Variants in OTUD7A observed in about 807,000 individuals in gnomAD.
OTUD7A encodes OTU deubiquitinase 7A.
OTUD7A carries 12 observed loss-of-function variants against 65.7 expected under a neutral mutation model. The observed-to-expected ratio is 0.18, with a 90% CI of 0.12 to 0.30. The LOEUF (loss-of-function observed/expected upper bound fraction) is 0.30. Among genes scored for constraint, OTUD7A ranks in the 10% least tolerant of loss-of-function variants. OTUD7A has a pLI of 1.00. For synonymous variants in OTUD7A, 641 were observed against 586.3 expected (o/e 1.09, Z -1.35); for missense variants, 1,148 against 1,304.8 (o/e 0.88, Z 1.85).
At chr15:31,722,557 C>T (rs1455850518) in intron 1 of OTUD7A, among the ~76,000 whole-genome samples, 2 of 152,216 alleles carry the variant, frequency 1.3e-5, no homozygotes, top group African/African-American at 2.4e-5. Context: ...AATGGTGGCC[C>T]TGTCAGGGAG....
chr15:31,862,241 G>A (rs997240612), intron 1 of OTUD7A, among the ~76,000 whole-genome samples: 3 of 152,162 alleles, frequency 2.0e-5, no homozygotes, highest in Non-Finnish European at 2.9e-5. Flanking sequence ...AAGGAAGTAC[G>A]TTCTGTAATG....
At chr15:31,495,781 G>C (rs957686766) in intron 10 of OTUD7A, among the ~76,000 whole-genome samples, 1 of 152,090 alleles carries the variant, frequency 6.6e-6, no homozygotes, top group Non-Finnish European at 1.5e-5. Flanking sequence ...AAACCTTCTT[G>C]CTGGCCGGGC....
intron 3 of OTUD7A, among the ~76,000 whole-genome samples, chr15:31,624,453 C>T (rs1041036029): frequency 3.9e-5 from 6 of 151,968 alleles, no homozygotes; most frequent in African/African-American, 1.2e-4. Context: ...AAAAACAAAA[C>T]GATGATAAAG....
At chr15:31,543,452 T>G (rs1033171872) in intron 5 of OTUD7A, among the ~76,000 whole-genome samples, 2 of 151,904 alleles carry the variant, frequency 1.3e-5, no homozygotes, top group Non-Finnish European at 3.0e-5. Flanking sequence ...AGACAAAGGC[T>G]GTGAAACTGA....
intron 1 of OTUD7A, among the ~76,000 whole-genome samples, chr15:31,790,993 C>G (rs1273981496): frequency 6.6e-6 from 1 of 152,080 alleles, no homozygotes; most frequent in Non-Finnish European, 1.5e-5. Flanking sequence ...GAGTTTTAGT[C>G]CTGACCTACA....
chr15:31,678,538 G>A (rs1358582277), intron 1 of OTUD7A, among the ~76,000 whole-genome samples: 1 of 152,240 alleles, frequency 6.6e-6, no homozygotes, highest in African/African-American at 2.4e-5. Context: ...AGGACTTGGT[G>A]CCCTGTGTCC....
chr15:31,677,150 C>G (rs1169449199), intron 1 of OTUD7A, among the ~76,000 whole-genome samples: 1 of 152,182 alleles, frequency 6.6e-6, no homozygotes, highest in African/African-American at 2.4e-5. Context: ...CCCACTTCTC[C>G]CTTATCTCTT....
At chr15:31,573,210 A>C (rs1405556549) in intron 3 of OTUD7A, among the ~76,000 whole-genome samples, 1 of 152,236 alleles carries the variant, frequency 6.6e-6, no homozygotes, top group Non-Finnish European at 1.5e-5. Context: ...CACATCTACA[A>C]GATACTGAAG....
chr15:31,576,671 A>C (rs938087771), intron 3 of OTUD7A, among the ~76,000 whole-genome samples: 1 of 152,182 alleles, frequency 6.6e-6, no homozygotes, highest in African/African-American at 2.4e-5. Context: ...ACCATTGGTC[A>C]CTCATATTTG....
chr15:31,818,188 AT>A (rs1399161805), intron 1 of OTUD7A, among the ~76,000 whole-genome samples: 3 of 152,182 alleles, frequency 2.0e-5, no homozygotes, highest in Non-Finnish European at 4.4e-5. Flanking sequence ...CATTTCTATT[AT>A]TTATAATTAC....
chr15:31,765,590 T>C (rs1895075308), intron 1 of OTUD7A, among the ~76,000 whole-genome samples: 1 of 152,222 alleles, frequency 6.6e-6, no homozygotes, highest in Non-Finnish European at 1.5e-5. Flanking sequence ...CCTAGGAGTC[T>C]CACATTGATA....
intron 1 of OTUD7A, among the ~76,000 whole-genome samples, chr15:31,734,992 A>C (rs190675626): frequency 2.6e-5 from 4 of 152,272 alleles, no homozygotes; most frequent in African/African-American, 9.6e-5. Flanking sequence ...ATTTCGGCAA[A>C]CTGTGCATCT....
intron 1 of OTUD7A, among the ~76,000 whole-genome samples, chr15:31,711,861 G>A (rs959174881): frequency 6.6e-6 from 1 of 151,946 alleles, no homozygotes; most frequent in Non-Finnish European, 1.5e-5. Context: ...CTGAGTGGCT[G>A]GAAGGCCATG....
rs2041161636 is a variant in OTUD7A at position 31,483,267 on chromosome 15, C to G, written c.*27G>C. 3 of 1,078,158 alleles carry G rather than the reference C, an allele frequency of 2.8e-6. No individual in the cohort carries two copies. The highest frequency in any genetic ancestry group is 3.4e-6 in the Non-Finnish European group (3 of 891,824). 66.8% of individuals were successfully genotyped at this position (1,078,158 alleles called of 1,614,324 possible). A position where few individuals can be genotyped will look rare whatever the true frequency, so the allele number is the denominator to read the frequency against. The stretch of plus-strand genomic sequence containing the variant: ...GAAAAGAAATCCTCGAAGGTAGAAC[C>G]TCGCCGCCCGCGCCGCGCCGCGCCG... On this transcript the variant is annotated 3_prime_UTR_variant, in exon 13 of 13. Transcript: ENST00000307050.
chr15:31,489,692 A>T (rs1217697793), intron 10 of OTUD7A, among the ~76,000 whole-genome samples: 1 of 152,188 alleles, frequency 6.6e-6, no homozygotes, highest in Non-Finnish European at 1.5e-5. Context: ...TTAGATTTCC[A>T]CTGTGTTAAG....
chr15:31,604,605 A>T (rs1282353490), intron 3 of OTUD7A, among the ~76,000 whole-genome samples: 3 of 152,216 alleles, frequency 2.0e-5, no homozygotes, highest in African/African-American at 7.2e-5. Flanking sequence ...AGTATAACAA[A>T]AAAAGAAAGA....
intron 3 of OTUD7A, among the ~76,000 whole-genome samples, chr15:31,619,068 A>G (rs557300286): frequency 3.3e-4 from 50 of 152,314 alleles, no homozygotes; most frequent in African/African-American, 1.0e-3. Context: ...CAGGCTTGTC[A>G]AAGATCAGAT....
chr15:31,690,588 C>T (rs1486269323), intron 1 of OTUD7A, among the ~76,000 whole-genome samples: 1 of 152,188 alleles, frequency 6.6e-6, no homozygotes, highest in Non-Finnish European at 1.5e-5. Flanking sequence ...GAAATAAATC[C>T]TCAAATACAT....
In OTUD7A at chr15:31,526,644, C is replaced by T. The variant is rs138933609; in HGVS notation, c.781-183G>A. ...GCTATGCACAATATATTTTCAGAAG[C>T]CCCAAGCTCTAATTCCAGAGCTGCT... is the stretch of plus-strand genomic sequence containing the variant. On this transcript the variant is annotated intron_variant, in intron 7 of 12. Coordinates refer to ENST00000307050, the MANE Select transcript of OTUD7A (RefSeq NM_001382637.1). Among the ~76,000 whole-genome samples, 23 of 152,340 alleles carry T rather than the reference C, an allele frequency of 1.5e-4. No individual in the cohort carries two copies. In the East Asian group the frequency reaches 4.4e-3, roughly 29 times the overall value.
Sources: allele counts gnomAD v4.1 joint callset (sites outside exome capture counted in the v4.1 genomes callset), GRCh38; gene constraint gnomAD v4.1.1; transcripts MANE v1.5; gene names NCBI Gene and HGNC (gene_info 2026-07-23, HGNC 2026-07-21).